The following CERT1 variants were observed in gnomAD, a reference collection of about 807,000 sequenced individuals.
CERT1 encodes the protein ceramide transfer protein.
CERT1 carries 31 observed loss-of-function variants against 87.9 expected under a neutral mutation model. The observed-to-expected ratio is 0.35, with a 90% CI of 0.27 to 0.48. The LOEUF (loss-of-function observed/expected upper bound fraction) is 0.48, where lower values mean the gene tolerates loss of function less well. CERT1 is among the 20% of genes least tolerant of loss of function. The pLI is 0.99. For missense variants in CERT1, 487 were observed against 758.0 expected, an observed-to-expected ratio of 0.64 and a Z score of 4.20; for synonymous variants, 289 against 250.9, an observed-to-expected ratio of 1.15 and a Z score of -1.44.
chr5:75,379,089 G>A lies in CERT1; in HGVS notation c.*257C>T, dbSNP rs1385212133. ...TCCCAGCTACTGGGAAGGCTGAGATGAGAGGATTGTTTGAGGCCAGAGGTT... is the reference window on the plus strand; with the variant it reads ...TCCCAGCTACTGGGAAGGCTGAGATAAGAGGATTGTTTGAGGCCAGAGGTT... On this transcript the variant is annotated 3_prime_UTR_variant, in exon 17 of 17. Transcript: ENST00000643780. The A allele has an allele frequency of 1.8e-5, 6 of 339,524 alleles. No homozygotes were observed. Among genetic ancestry groups the A allele is most frequent in the Non-Finnish European group, 2.7e-5 (5 of 185,496 alleles). The allele number at this position is 339,524 out of a possible 1,614,324, so 21.0% of individuals were successfully genotyped here. A position where few individuals can be genotyped will look rare whatever the true frequency, so the allele number is the denominator to read the frequency against.
intron 7 of CERT1, among the ~76,000 whole-genome samples, chr5:75,414,898 T>C (rs969813134): frequency 6.6e-6 from 1 of 152,142 alleles, no homozygotes; most frequent in Non-Finnish European, 1.5e-5. Context: ...GGCACACACC[T>C]GAATGAAACA....
chr5:75,492,316 T>G (rs1219616999), intron 2 of CERT1, among the ~76,000 whole-genome samples: 1 of 152,084 alleles, frequency 6.6e-6, no homozygotes, highest in African/African-American at 2.4e-5. Context: ...CAAGCCATGA[T>G]TGCATCACTG....
chr5:75,382,166 T>TA (rs1246244273), intron 14 of CERT1, 89 bp from the exon 15 acceptor site: 38 of 1,250,034 alleles, frequency 3.0e-5, no homozygotes, highest in Middle Eastern at 2.1e-4. Flanking sequence ...TAATTGAAGG[T>TA]AAAATCTCTC....
chr5:75,453,860 C>T (rs962770418), intron 3 of CERT1, among the ~76,000 whole-genome samples: 1 of 151,728 alleles, frequency 6.6e-6, no homozygotes, highest in Admixed American at 6.6e-5. Context: ...GTGGAGGGTG[C>T]GTGAATGTGC....
intron 7 of CERT1, among the ~76,000 whole-genome samples, chr5:75,416,540 C>T (rs1178806907): frequency 2.6e-5 from 4 of 152,166 alleles, no homozygotes; most frequent in South Asian, 4.1e-4. Flanking sequence ...TAAGTTAGTT[C>T]ATATGCCTTA....
rs1206916400 is a variant in CERT1, at chr5:75,478,034, C to T, written c.232-18853G>A. ...AATAAGAAGATTAGAAGGAAGAGGC[C>T]GGGCACAGTGACTCACGCCTGTAAT... On this transcript the variant is annotated intron_variant, in intron 2 of 16. Transcript: ENST00000643780. Among the ~76,000 whole-genome samples, 7 of 152,048 alleles carry T rather than the reference C, an allele frequency of 4.6e-5. No homozygotes were observed. The East Asian group carries it at 5.8e-4, about 13-fold the overall frequency.
chr5:75,383,184 T>C (rs1413808460), intron 14 of CERT1, among the ~76,000 whole-genome samples: 4 of 152,080 alleles, frequency 2.6e-5, no homozygotes, highest in Non-Finnish European at 4.4e-5. Context: ...GTGAGTGGTA[T>C]AGTTACATAC....
rs1403455803 is a variant in CERT1, at chr5:75,459,099, C to T, written c.314G>A (p.Arg105Lys). Residue 105 changes from arginine to lysine, a missense_variant, in exon 3 of 17, where the codon AGA becomes AAA. This residue lies in a region of CERT1 where 173 missense variants were observed against 302.2 expected (regional missense o/e 0.57). Coordinates refer to ENST00000643780, the MANE Select transcript of CERT1 (RefSeq NM_001379029.1). ...WYLRAQDPDH[R>K]QQWIDAIEQH... ...TTCAATGGCATCTATCCATTGCTGT[C>T]TATGATCTGGATCCTGAGCACGAAG... 10 of 1,610,758 alleles carry T rather than the reference C, an allele frequency of 6.2e-6. No homozygotes were observed. The highest frequency in any genetic ancestry group is 7.6e-6 in the Non-Finnish European group (9 of 1,177,082).
At chr5:75,428,103 T>C (rs1763700498) in intron 3 of CERT1, among the ~76,000 whole-genome samples, 1 of 152,194 alleles carries the variant, frequency 6.6e-6, no homozygotes, top group Non-Finnish European at 1.5e-5. Context: ...GGTTTACCCA[T>C]GATATTATTC....
At chr5:75,463,061 T>C (rs1017703216) in intron 2 of CERT1, among the ~76,000 whole-genome samples, 3 of 113,082 alleles carry the variant, frequency 2.7e-5, no homozygotes, top group Non-Finnish European at 5.6e-5. Context: ...ATGAAAGAAA[T>C]ATAATAATGT....
At chr5:75,389,467 A>G (rs1761945291) in intron 12 of CERT1, 125 bp downstream of exon 12, 1 of 708,616 alleles carries the variant, frequency 1.4e-6, no homozygotes, top group Non-Finnish European at 2.5e-6. Context: ...TACTGCTTTG[A>G]TCACATGTAA....
At chr5:75,452,910 T>C (rs1287075469) in intron 3 of CERT1, among the ~76,000 whole-genome samples, 1 of 152,206 alleles carries the variant, frequency 6.6e-6, no homozygotes, top group Non-Finnish European at 1.5e-5. Flanking sequence ...ACTCCACAGA[T>C]TAAAGCCAGC....
chr5:75,412,075 TG>T (rs1190461215), intron 7 of CERT1, among the ~76,000 whole-genome samples: 7 of 152,144 alleles, frequency 4.6e-5, no homozygotes, highest in Non-Finnish European at 1.0e-4. Context: ...TCCACAACAA[TG>T]GGGTTCACTG....
chr5:75,449,218 A>G (rs572179209), intron 3 of CERT1, among the ~76,000 whole-genome samples: 1 of 152,338 alleles, frequency 6.6e-6, no homozygotes, highest in Non-Finnish European at 1.5e-5. Flanking sequence ...AGACAGAAAA[A>G]TGACAAACCA....
intron 2 of CERT1, among the ~76,000 whole-genome samples, chr5:75,487,539 C>T (rs1341146625): frequency 1.3e-5 from 2 of 151,802 alleles, no homozygotes; most frequent in Admixed American, 1.3e-4. Context: ...AAGAGACAAC[C>T]TACAGAATGG....
intron 3 of CERT1, among the ~76,000 whole-genome samples, chr5:75,438,443 T>C (rs2112235469): frequency 6.6e-6 from 1 of 152,312 alleles, no homozygotes; most frequent in East Asian, 1.9e-4. Flanking sequence ...TACTCAGTGG[T>C]CATAACTGAT....
chr5:75,430,785 C>G (rs1763828719), intron 3 of CERT1, among the ~76,000 whole-genome samples: 1 of 151,994 alleles, frequency 6.6e-6, no homozygotes, highest in African/African-American at 2.4e-5. Flanking sequence ...CACCTGTAAT[C>G]CCAGCACTCT....
At chr5:75,466,556 G>A (rs1214340439) in intron 2 of CERT1, among the ~76,000 whole-genome samples, 1 of 152,194 alleles carries the variant, frequency 6.6e-6, no homozygotes, top group Non-Finnish European at 1.5e-5. Flanking sequence ...AGCAGATAAA[G>A]AGCAACCCTC....
intron 3 of CERT1, among the ~76,000 whole-genome samples, chr5:75,448,191 A>AAT (rs983160872): frequency 5.9e-5 from 9 of 152,210 alleles, no homozygotes; most frequent in Non-Finnish European, 1.0e-4. Flanking sequence ...GTGAGAATTA[A>AAT]ATAACACATT....
Sources: allele counts gnomAD v4.1 joint callset (sites outside exome capture counted in the v4.1 genomes callset), GRCh38; gene constraint gnomAD v4.1.1; regional missense constraint gnomAD v4.1.1; transcripts MANE v1.5; gene names NCBI Gene and HGNC (gene_info 2026-07-23, HGNC 2026-07-21).